The following ST6GALNAC3 variants were observed in gnomAD, a reference collection of about 807,000 sequenced individuals.
ST6GALNAC3 encodes the protein alpha-N-acetylgalactosaminide alpha-2,6-sialyltransferase 3.
A neutral mutation model predicts 32.7 loss-of-function variants in ST6GALNAC3; 25 were observed. The observed-to-expected ratio is 0.76, with a 90% CI of 0.56 to 1.07. ST6GALNAC3 has a LOEUF of 1.07. Ranked by LOEUF, ST6GALNAC3 falls within the 50% of genes least tolerant of loss-of-function variation. The pLI is 0.00. For synonymous variants in ST6GALNAC3, 129 were observed against 133.1 expected (o/e 0.97, Z 0.21); for missense variants, 355 against 382.4 (o/e 0.93, Z 0.60).
At chr1:76,498,073 G>A (rs369077580) in intron 3 of ST6GALNAC3, among the ~76,000 whole-genome samples, 50 of 152,166 alleles carry the variant, frequency 3.3e-4, no homozygotes, top group African/African-American at 1.2e-3. Context: ...CCTGCTCCAA[G>A]GGCCTTGCCC....
intron 2 of ST6GALNAC3, among the ~76,000 whole-genome samples, chr1:76,325,987 A>G (rs903658782): frequency 2.0e-5 from 3 of 152,016 alleles, no homozygotes; most frequent in Non-Finnish European, 4.4e-5. Context: ...AGTAGATGGG[A>G]AATCTTGGGT....
chr1:76,361,015 T>C (rs891056062), intron 2 of ST6GALNAC3, among the ~76,000 whole-genome samples: 1 of 152,150 alleles, frequency 6.6e-6, no homozygotes, highest in Non-Finnish European at 1.5e-5. Flanking sequence ...AAATGAGTGA[T>C]GAATTAAATG....
chr1:76,324,138 G>T (rs1419403649), intron 2 of ST6GALNAC3, among the ~76,000 whole-genome samples: 1 of 152,220 alleles, frequency 6.6e-6, no homozygotes, highest in Non-Finnish European at 1.5e-5. Flanking sequence ...TTACAGGTGT[G>T]AGCCACCATG....
At chr1:76,264,276 A>G (rs186828892) in intron 1 of ST6GALNAC3, among the ~76,000 whole-genome samples, 19 of 152,224 alleles carry the variant, frequency 1.2e-4, no homozygotes, top group Non-Finnish European at 2.6e-4. Flanking sequence ...TTTTCTTCAT[A>G]TTGCACTGAA....
intron 1 of ST6GALNAC3, among the ~76,000 whole-genome samples, chr1:76,208,490 G>A (rs938829679): frequency 6.6e-6 from 1 of 152,228 alleles, no homozygotes; most frequent in African/African-American, 2.4e-5. Context: ...ATGTGCCTCT[G>A]TCTTCTGGAG....
intron 1 of ST6GALNAC3, among the ~76,000 whole-genome samples, chr1:76,248,895 C>A (rs1367179448): frequency 6.6e-6 from 1 of 152,010 alleles, no homozygotes; most frequent in Non-Finnish European, 1.5e-5. Context: ...ACCTAGAAAC[C>A]AGAAGTTACT....
intron 2 of ST6GALNAC3, among the ~76,000 whole-genome samples, chr1:76,361,851 G>A (rs975363349): frequency 7.3e-5 from 11 of 151,724 alleles, no homozygotes; most frequent in African/African-American, 2.2e-4. Flanking sequence ...TGGGGCACAC[G>A]ACTGTAATCC....
At chr1:76,250,886 CCA>C (rs1237682640) in intron 1 of ST6GALNAC3, among the ~76,000 whole-genome samples, 1 of 152,168 alleles carries the variant, frequency 6.6e-6, no homozygotes, top group East Asian at 1.9e-4. Context: ...CTTCAGTCAA[CCA>C]CTCTACTTAA....
chr1:76,377,677 T>C (rs138259357), intron 2 of ST6GALNAC3, among the ~76,000 whole-genome samples: 1 of 152,200 alleles, frequency 6.6e-6, no homozygotes, highest in Non-Finnish European at 1.5e-5. Flanking sequence ...GGCCTTGTTT[T>C]TTTATGACCT....
intron 2 of ST6GALNAC3, among the ~76,000 whole-genome samples, chr1:76,351,460 A>G (rs1648972636): frequency 6.6e-6 from 1 of 152,064 alleles, no homozygotes; most frequent in Non-Finnish European, 1.5e-5. Flanking sequence ...TAGTATAAAG[A>G]CTATATGGAG....
chr1:76,480,006 C>T lies in ST6GALNAC3; in HGVS notation c.623+67589C>T, dbSNP rs141719769. On this transcript the variant is annotated intron_variant, in intron 3 of 4. Coordinates refer to ENST00000328299, the MANE Select transcript of ST6GALNAC3 (RefSeq NM_152996.4). ...CTGAAAGTAGTCAAGTTATCTATAGCTACTGGTTGATAAAGGCAACAGAAT... is the reference window on the plus strand; with the variant it reads ...CTGAAAGTAGTCAAGTTATCTATAGTTACTGGTTGATAAAGGCAACAGAAT... 6.6e-5 allele frequency among the ~76,000 whole-genome samples: 10 copies of T among 152,184 alleles called. No individual in the cohort carries two copies. In the East Asian group the frequency reaches 1.9e-3, roughly 29 times the overall value.
At chr1:76,254,754 A>C (rs1657819606) in intron 1 of ST6GALNAC3, among the ~76,000 whole-genome samples, 1 of 152,106 alleles carries the variant, frequency 6.6e-6, no homozygotes, top group Non-Finnish European at 1.5e-5. Context: ...AAAATTCAAC[A>C]AACTGAGCTT....
In ST6GALNAC3 at chr1:76,159,211, CAG is replaced by C. The variant is rs1162815495; in HGVS notation, c.18+84330_18+84331del. 5.3e-5 allele frequency among the ~76,000 whole-genome samples: 8 copies of C among 152,074 alleles called. No homozygotes were observed. The East Asian group carries it at 7.7e-4, about 15-fold the overall frequency. ...TCTCTTTTCTTTTCTTTTTTTGAGA[CAG>C]AGTCTTGCTCTGTCAGCCAGGCTGG... On this transcript the variant is annotated intron_variant, in intron 1 of 4. Coordinates refer to ENST00000328299, the MANE Select transcript of ST6GALNAC3 (RefSeq NM_152996.4).
intron 1 of ST6GALNAC3, among the ~76,000 whole-genome samples, chr1:76,108,724 C>T (rs535918058): frequency 4.6e-5 from 7 of 152,056 alleles, no homozygotes; most frequent in Non-Finnish European, 8.8e-5. Flanking sequence ...ATCCCTCGAT[C>T]GAAACAAATT....
rs575898021 is a variant in ST6GALNAC3 at position 76,395,755 on chromosome 1, G to C, written c.214-16253G>C. Reference sequence around the variant, plus strand: ...AAATAGCACATGTTCCTACCCATATGTGGGTGCTAAAAAGTTTATGTCATG... The same window carrying C: ...AAATAGCACATGTTCCTACCCATATCTGGGTGCTAAAAAGTTTATGTCATG... On this transcript the variant is annotated intron_variant, in intron 2 of 4. Coordinates refer to ENST00000328299, the MANE Select transcript of ST6GALNAC3 (RefSeq NM_152996.4). 3.3e-5 allele frequency among the ~76,000 whole-genome samples: 5 copies of C among 152,302 alleles called. No individual in the cohort carries two copies. In the East Asian group the frequency reaches 5.8e-4, roughly 18 times the overall value.
At chr1:76,153,408 G>A (rs1482177347) in intron 1 of ST6GALNAC3, among the ~76,000 whole-genome samples, 1 of 152,128 alleles carries the variant, frequency 6.6e-6, no homozygotes, top group Non-Finnish European at 1.5e-5. Flanking sequence ...CGGCTAGAGT[G>A]TACCTGTGAG....
chr1:76,266,075 A>G (rs931649441), intron 1 of ST6GALNAC3, among the ~76,000 whole-genome samples: 9 of 152,364 alleles, frequency 5.9e-5, no homozygotes, highest in African/African-American at 2.2e-4. Flanking sequence ...GAAAGAAATT[A>G]TAGTGTTCAG....
intron 1 of ST6GALNAC3, chr1:76,313,547 G>T: frequency 1.8e-6 from 1 of 562,936 alleles, no homozygotes. Flanking sequence ...GAGTGTACAA[G>T]GAATATAGTG....
Position 76,314,009 on chromosome 1 carries a change from C to A in ST6GALNAC3, c.213+10C>A. 1 of 1,608,170 alleles carries A rather than the reference C, an allele frequency of 6.2e-7. No homozygotes were observed. The highest frequency in any genetic ancestry group is 1.1e-5 in the South Asian group (1 of 90,056). On this transcript the variant is annotated intron_variant, in intron 2 of 4. Coordinates refer to ENST00000328299, the MANE Select transcript of ST6GALNAC3 (RefSeq NM_152996.4). Reference sequence around the variant, plus strand: ...TGTGAAGACACAAGAGGTAAGATCCCAGAGGGTTACCTAGCAGTTGGAGAG... The same window carrying A: ...TGTGAAGACACAAGAGGTAAGATCCAAGAGGGTTACCTAGCAGTTGGAGAG...
Sources: gnomAD v4.1 joint callset for allele counts (sites outside exome capture counted in the v4.1 genomes callset) on GRCh38, gnomAD v4.1.1 for gene constraint, MANE v1.5 for transcripts, NCBI Gene and HGNC (gene_info 2026-07-23, HGNC 2026-07-21) for gene names.